The following CTBP2 variants were observed in gnomAD, a reference collection of about 807,000 sequenced individuals.
The protein encoded by CTBP2 is C-terminal binding protein 2.
A neutral mutation model predicts 80.3 loss-of-function variants in CTBP2; 30 were observed. The ratio of observed to expected loss-of-function variants is 0.37; its 90% CI spans 0.28 to 0.51. The LOEUF (loss-of-function observed/expected upper bound fraction) is 0.51, where lower values mean the gene tolerates loss of function less well. Among genes scored for constraint, CTBP2 ranks in the 20% least tolerant of loss-of-function variants. The pLI, the probability that CTBP2 is intolerant of heterozygous loss-of-function variation, is 0.93. For synonymous variants in CTBP2, 594 were observed against 587.4 expected, an observed-to-expected ratio of 1.01 and a Z score of -0.16; for missense variants, 1,212 against 1,375.3, an observed-to-expected ratio of 0.88 and a Z score of 1.88.
chr10:125,158,447 AC>A (rs1442987741), intron 1 of CTBP2, among the ~76,000 whole-genome samples: 6 of 152,234 alleles, frequency 3.9e-5, no homozygotes, highest in African/African-American at 1.4e-4. Flanking sequence ...ATAAAAATAT[AC>A]CAGTCTCTAG....
At chr10:125,024,691 C>A (rs1957369713) in intron 1 of CTBP2, among the ~76,000 whole-genome samples, 1 of 152,178 alleles carries the variant, frequency 6.6e-6, no homozygotes, top group South Asian at 2.1e-4. Context: ...CAAGCCCGGC[C>A]ATTATCAGAT....
At chr10:125,145,407 C>T (rs1858579556) in intron 1 of CTBP2, among the ~76,000 whole-genome samples, 1 of 152,158 alleles carries the variant, frequency 6.6e-6, no homozygotes, top group Non-Finnish European at 1.5e-5. Context: ...GTACCAGGGC[C>T]TCTCTGGGGA....
At chr10:125,141,541 G>C (rs2133270005) in intron 1 of CTBP2, among the ~76,000 whole-genome samples, 1 of 152,270 alleles carries the variant, frequency 6.6e-6, no homozygotes, top group Admixed American at 6.5e-5. Context: ...ATGGGGACCT[G>C]AGGGCGCTCA....
intron 1 of CTBP2, among the ~76,000 whole-genome samples, chr10:125,131,219 C>G (rs1174741162): frequency 6.6e-6 from 1 of 152,204 alleles, no homozygotes; most frequent in Non-Finnish European, 1.5e-5. Context: ...CAGCTGGGGC[C>G]ACCAGTCACT....
At chr10:125,120,278 G>A (rs982364356) in intron 1 of CTBP2, among the ~76,000 whole-genome samples, 1 of 152,250 alleles carries the variant, frequency 6.6e-6, no homozygotes, top group Non-Finnish European at 1.5e-5. Flanking sequence ...GCAGGAAGAT[G>A]AGCAGGAAGT....
At chr10:125,040,185 T>C (rs1420259707) in intron 2 of CTBP2, among the ~76,000 whole-genome samples, 2 of 152,182 alleles carry the variant, frequency 1.3e-5, no homozygotes, top group Non-Finnish European at 2.9e-5. Context: ...CCAGGCACGG[T>C]GGCTCATGCC....
At chr10:125,072,590 T>C (rs975407230) in intron 2 of CTBP2, among the ~76,000 whole-genome samples, 2 of 127,774 alleles carry the variant, frequency 1.6e-5, no homozygotes, top group Non-Finnish European at 3.1e-5. Context: ...CACTCCAGCC[T>C]GGACAACAGA....
chr10:125,124,125 G>A (rs1233167955), intron 1 of CTBP2, among the ~76,000 whole-genome samples: 4 of 152,204 alleles, frequency 2.6e-5, no homozygotes, highest in African/African-American at 7.2e-5. Context: ...TTCTAGAGCT[G>A]GAGTGTGCTA....
intron 1 of CTBP2, among the ~76,000 whole-genome samples, chr10:125,119,917 T>C (rs1169790460): frequency 1.3e-5 from 2 of 152,212 alleles, no homozygotes; most frequent in Non-Finnish European, 2.9e-5. Context: ...CACACCAACA[T>C]TGTAAAGTGG....
intron 2 of CTBP2, among the ~76,000 whole-genome samples, chr10:125,083,798 T>C (rs1847552199): frequency 6.6e-6 from 1 of 152,182 alleles, no homozygotes; most frequent in South Asian, 2.1e-4. Flanking sequence ...TTTTGTTTTT[T>C]TGAGACGGAG....
intron 1 of CTBP2, chr10:125,006,139 A>C: frequency 3.9e-6 from 2 of 518,714 alleles, no homozygotes; most frequent in Non-Finnish European, 5.6e-6. Context: ...CCCACCCTCT[A>C]CCCTCCCTGA....
chr10:125,158,091 G>C (rs1196942247), intron 1 of CTBP2, among the ~76,000 whole-genome samples: 1 of 151,528 alleles, frequency 6.6e-6, no homozygotes, highest in African/African-American at 2.4e-5. Context: ...AGTATCCTTT[G>C]AAATCAAGTG....
At chr10:125,002,933 A>G in intron 3 of CTBP2, 27 bp downstream of exon 5, 1 of 1,610,550 alleles carries the variant, frequency 6.2e-7, no homozygotes. Flanking sequence ...GGACAACTCC[A>G]GGCAGCCAGC....
intron 3 of CTBP2, among the ~76,000 whole-genome samples, chr10:125,037,644 C>T (rs1419903910): frequency 1.6e-4 from 25 of 152,184 alleles, no homozygotes; most frequent in African/African-American, 3.9e-4. Flanking sequence ...AAACACAATG[C>T]GTGACCCTTA....
chr10:125,158,807 C>T lies in CTBP2; in HGVS notation c.-206+1512G>A, dbSNP rs541253850. 5.0e-5 allele frequency: 7 copies of T among 141,216 alleles called. No individual in the cohort carries two copies. In the East Asian group the frequency reaches 1.6e-3, roughly 33 times the overall value. The allele number at this position is 141,216 out of a possible 1,614,324, so 8.7% of individuals were successfully genotyped here. On this transcript the variant is annotated intron_variant, in intron 1 of 10. Coordinates refer to the CTBP2 transcript ENST00000337195. ...CTTGGGCCGCCTCCGGAAAAAGTAC[C>T]GGGCGGGGGGAGGGGGGACAACCAC... is the stretch of plus-strand genomic sequence containing the variant.
At chr10:125,031,023 C>T (rs368565269), upstream of CTBP2, among the ~76,000 whole-genome samples, 575 of 44,770 alleles carry the variant, frequency 0.013, 4 homozygotes, top group African/African-American at 0.041. Context: ...CCACAGCGAG[C>T]GCTTCCCTAG....
intron 2 of CTBP2, among the ~76,000 whole-genome samples, chr10:125,047,240 G>C (rs1461175408): frequency 6.6e-6 from 1 of 152,172 alleles, no homozygotes; most frequent in Non-Finnish European, 1.5e-5. Context: ...TAGACTTGAG[G>C]AATCAGGAAT....
At chr10:125,044,951 T>G (rs1022782142) in intron 2 of CTBP2, among the ~76,000 whole-genome samples, 1 of 152,180 alleles carries the variant, frequency 6.6e-6, no homozygotes, top group Non-Finnish European at 1.5e-5. Flanking sequence ...AAAATCAGGA[T>G]AGGAAATGAG....
At chr10:125,003,872 C>T (rs1263651827) in intron 1 of CTBP2, among the ~76,000 whole-genome samples, 1 of 152,144 alleles carries the variant, frequency 6.6e-6, no homozygotes, top group Non-Finnish European at 1.5e-5. Context: ...GGGGATAAGG[C>T]GTGTGCGTCC....
Sources: gnomAD v4.1 joint callset for allele counts (sites outside exome capture counted in the v4.1 genomes callset) on GRCh38, gnomAD v4.1.1 for gene constraint, MANE v1.5 for transcripts, NCBI Gene and HGNC (gene_info 2026-07-23, HGNC 2026-07-21) for gene names.